Variants in KREMEN1 observed in about 807,000 individuals in gnomAD.
The protein encoded by KREMEN1 is kringle containing transmembrane protein 1, also known as kremen protein 1.
KREMEN1 carries 30 observed loss-of-function variants against 46.5 expected under a neutral mutation model. That is an observed-to-expected ratio of 0.65 (90% CI 0.48 to 0.88). The LOEUF is 0.88. Among genes scored for constraint, KREMEN1 ranks in the 40% least tolerant of loss-of-function variants. KREMEN1 has a pLI of 0.00. For synonymous variants in KREMEN1, 214 were observed against 230.6 expected, an observed-to-expected ratio of 0.93 and a Z score of 0.65; for missense variants, 533 against 596.9, an observed-to-expected ratio of 0.89 and a Z score of 1.11.
intron 1 of KREMEN1, among the ~76,000 whole-genome samples, chr22:29,074,287 G>A (rs2037530969): frequency 6.6e-6 from 1 of 152,210 alleles, no homozygotes; most frequent in Non-Finnish European, 1.5e-5. Context: ...GCAGAAGGGG[G>A]AGAGAAAAAA....
intron 9 of KREMEN1, among the ~76,000 whole-genome samples, chr22:29,153,767 G>A (rs1312019244): frequency 6.6e-6 from 1 of 152,064 alleles, no homozygotes; most frequent in Non-Finnish European, 1.5e-5. Flanking sequence ...GATCACCTGA[G>A]GTCAGGAATT....
intron 3 of KREMEN1, among the ~76,000 whole-genome samples, chr22:29,113,583 A>G (rs1199780133): frequency 6.6e-6 from 1 of 152,198 alleles, no homozygotes; most frequent in Non-Finnish European, 1.5e-5. Context: ...TATTTCTCAC[A>G]AGAACCCTTT....
At chr22:29,087,238 A>G (rs750300336) in intron 1 of KREMEN1, among the ~76,000 whole-genome samples, 3 of 152,178 alleles carry the variant, frequency 2.0e-5, no homozygotes, top group Non-Finnish European at 2.9e-5. Context: ...ATTTCAAGCC[A>G]GGCTAAAACC....
At chr22:29,120,481 G>A (rs199895843) in intron 3 of KREMEN1, among the ~76,000 whole-genome samples, 44 of 95,688 alleles carry the variant, frequency 4.6e-4, no homozygotes, top group Non-Finnish European at 7.3e-4. Flanking sequence ...ATGGAAACAG[G>A]GAGGAAGGAG....
At chr22:29,075,324 C>T (rs753682856) in intron 1 of KREMEN1, among the ~76,000 whole-genome samples, 6 of 152,192 alleles carry the variant, frequency 3.9e-5, no homozygotes, top group Non-Finnish European at 4.4e-5. Context: ...AGAGCAGCAG[C>T]TCTGATTTGC....
In KREMEN1 at chr22:29,094,270, C is replaced by A. The variant is rs575914851; in HGVS notation, c.110C>A (p.Ala37Asp). 1.2e-6 allele frequency: 2 copies of A among 1,606,412 alleles called. No individual in the cohort carries two copies. The highest frequency in any genetic ancestry group is 1.7e-6 in the Non-Finnish European group (2 of 1,177,628). The change falls in exon 2 of 9, where the codon GCC (alanine) becomes GAC (aspartate). Residue 37 changes from alanine (A) to aspartate (D), a missense_variant. Physicochemically the swap from Ala to Asp is moderately radical, Grantham distance 126. Transcript: ENST00000400335. Reference protein sequence around the residue: ...GLGPGPECFTANGADYRGTQN... With the variant: ...GLGPGPECFTDNGADYRGTQN... ...TTTTTTCTTCTAGAGTGTTTCACAGCCAATGGTGCGGATTATAGGGGAACA... is the reference window on the plus strand; with the variant it reads ...TTTTTTCTTCTAGAGTGTTTCACAGACAATGGTGCGGATTATAGGGGAACA...
At chr22:29,122,221 C>G (rs968950781) in intron 4 of KREMEN1, among the ~76,000 whole-genome samples, 3 of 152,180 alleles carry the variant, frequency 2.0e-5, no homozygotes, top group African/African-American at 7.2e-5. Flanking sequence ...TGCTCAGCAT[C>G]ACCAGTTGTC....
chr22:29,140,259 A>G, intron 7 of KREMEN1, 23 bp from the exon 8 acceptor site: 1 of 1,600,330 alleles, frequency 6.2e-7, no homozygotes, highest in Non-Finnish European at 8.6e-7. Flanking sequence ...AAGTCTGGTA[A>G]GCTCTGTCTT....
rs371152545 is a variant in KREMEN1 at position 29,094,319 on chromosome 22, C to A, written c.159C>A (p.Gly53=). The A allele has an allele frequency of 1.9e-6, 3 of 1,613,726 alleles. No homozygotes were observed. The highest frequency in any genetic ancestry group is 3.3e-4 in the Middle Eastern group (2 of 6,050). ...RGTQNWTALQ[G]GKPCLFWNET... ...CACAGAACTGGACAGCACTACAAGG[C>A]GGGAAGCCATGTCTGTTTTGGAACG... The change falls in exon 2 of 9, where the codon GGC becomes GGA. Residue 53 remains glycine (G), a synonymous_variant. Transcript: ENST00000400335.
Position 29,140,272 on chromosome 22 carries a change from G to T in KREMEN1, c.1124-10G>T. The stretch of plus-strand genomic sequence containing the variant: ...ACAAGTCTGGTAAGCTCTGTCTTTT[G>T]CACTTGCAGGATGGACAGTCTATGG... On this transcript the variant is annotated splice_polypyrimidine_tract_variant and intron_variant, in intron 7 of 8. Transcript: ENST00000400335. 1 of 1,611,530 alleles carries T rather than the reference G, an allele frequency of 6.2e-7. No individual in the cohort carries two copies. Among genetic ancestry groups the T allele is most frequent in the African/African-American group, 1.3e-5 (1 of 74,972 alleles).
At chr22:29,094,016 A>C (rs1053511349) in intron 1 of KREMEN1, among the ~76,000 whole-genome samples, 1 of 152,184 alleles carries the variant, frequency 6.6e-6, no homozygotes, top group Admixed American at 6.5e-5. Flanking sequence ...GGATCTGTAT[A>C]CTTTAGGGGA....
At chr22:29,096,347 C>T (rs2037882421) in intron 2 of KREMEN1, among the ~76,000 whole-genome samples, 1 of 152,150 alleles carries the variant, frequency 6.6e-6, no homozygotes, top group Admixed American at 6.5e-5. Flanking sequence ...CAGAAGAGCT[C>T]ATGTTTTTAA....
chr22:29,121,731 G>C (rs1373596532), intron 4 of KREMEN1, among the ~76,000 whole-genome samples: 1 of 152,132 alleles, frequency 6.6e-6, no homozygotes, highest in Non-Finnish European at 1.5e-5. Context: ...TTTCTTTTCT[G>C]GGTTATGAAT....
At chr22:29,086,212 G>A (rs116672956) in intron 1 of KREMEN1, among the ~76,000 whole-genome samples, 1,688 of 152,190 alleles carry the variant, frequency 0.011, 32 homozygotes, top group African/African-American at 0.038. Context: ...GTGAAGGGAC[G>A]TTGAGATAAT....
rs1428220362 is a variant in KREMEN1, at chr22:29,159,966, C to A, written c.1417-7078C>A. ...CCCATAATAGTGGAGGACTTCAACA[C>A]CCCACTGACAGCATTAGACAGATCA... is the stretch of plus-strand genomic sequence containing the variant. On this transcript the variant is annotated intron_variant, in intron 9 of 9. Coordinates refer to the KREMEN1 transcript ENST00000327813. Among the ~76,000 whole-genome samples, 5 of 152,042 alleles carry A rather than the reference C, an allele frequency of 3.3e-5. No individual in the cohort carries two copies. In the East Asian group the frequency reaches 9.6e-4, roughly 29 times the overall value.
chr22:29,092,699 G>A (rs1383829224), intron 1 of KREMEN1, among the ~76,000 whole-genome samples: 2 of 152,234 alleles, frequency 1.3e-5, no homozygotes, highest in Non-Finnish European at 2.9e-5. Flanking sequence ...GGGTTGGTGG[G>A]GTGTGGTGGC....
At chr22:29,119,200 AT>A (rs2038292443) in intron 3 of KREMEN1, among the ~76,000 whole-genome samples, 1 of 152,192 alleles carries the variant, frequency 6.6e-6, no homozygotes, top group Non-Finnish European at 1.5e-5. Flanking sequence ...AGTTAAAAAA[AT>A]AAAATTAAAA....
At chr22:29,131,805 A>G (rs1006483168) in intron 5 of KREMEN1, among the ~76,000 whole-genome samples, 1 of 140,588 alleles carries the variant, frequency 7.1e-6, no homozygotes, top group African/African-American at 2.7e-5. Context: ...GCAGAATATT[A>G]TATAAATGGA....
rs146925282 is a variant in KREMEN1 at position 29,134,741 on chromosome 22, G to T, written c.632-2601G>T. Among the ~76,000 whole-genome samples, 9 of 152,252 alleles carry T rather than the reference G, an allele frequency of 5.9e-5. No homozygotes were observed. The East Asian group carries it at 1.7e-3, about 29-fold the overall frequency. The stretch of plus-strand genomic sequence containing the variant: ...GGTTGTTTCTATCACTACCCTCAAT[G>T]CACATCAGGCTTTAAATTCCTCCAG... On this transcript the variant is annotated intron_variant, in intron 5 of 8. Transcript: ENST00000400335.
Sources: gnomAD v4.1 joint callset for allele counts (sites outside exome capture counted in the v4.1 genomes callset) on GRCh38, gnomAD v4.1.1 for gene constraint, MANE v1.5 for transcripts, NCBI Gene and HGNC (gene_info 2026-07-23, HGNC 2026-07-21) for gene names.